The following TTC34 variants were observed in gnomAD, a reference collection of about 807,000 sequenced individuals.
TTC34 encodes the protein tetratricopeptide repeat domain 34.
In TTC34, 44 loss-of-function variants were observed where a neutral mutation model predicts 40.7. The observed-to-expected ratio is 1.08, with a 90% CI of 0.85 to 1.39. The LOEUF is 1.39. Ranked by LOEUF, TTC34 falls within the 40% of genes most tolerant of loss-of-function variation. The pLI is 0.00. For synonymous variants in TTC34, 422 were observed against 398.6 expected, an observed-to-expected ratio of 1.06 and a Z score of -0.70; for missense variants, 884 against 838.0, an observed-to-expected ratio of 1.05 and a Z score of -0.68.
chr1:2,665,902 T>A (rs1639634449), intron 6 of TTC34, among the ~76,000 whole-genome samples: 1 of 41,500 alleles, frequency 2.4e-5, no homozygotes, highest in African/African-American at 6.3e-5. Context: ...CAGGGGAGCA[T>A]CTGACATCCT....
At chr1:2,683,788 G>T (rs9442451) in intron 6 of TTC34, among the ~76,000 whole-genome samples, 3 of 26,782 alleles carry the variant, frequency 1.1e-4, no homozygotes, top group East Asian at 1.1e-3. Flanking sequence ...GGAGCAGCAC[G>T]CACACCCCCA....
Position 2,800,977 on chromosome 1 carries a change from G to A in TTC34, c.-41-109C>T, listed in dbSNP as rs866846539. 16 of 397,604 alleles carry A rather than the reference G, an allele frequency of 4.0e-5. No individual in the cohort carries two copies. The Middle Eastern group carries it at 1.9e-3, about 46-fold the overall frequency. The allele number at this position is 397,604 out of a possible 1,614,324, so 24.6% of individuals were successfully genotyped here. ...CTCCACCCCTTCCCATTGACCCCAC[G>A]GTCAGTGCAGACCCCACTGGGTGAA... On this transcript the variant is annotated intron_variant, in intron 1 of 8. Transcript: ENST00000401095.
intron 2 of TTC34, among the ~76,000 whole-genome samples, chr1:2,795,384 AAG>A (rs1227932360): frequency 4.6e-5 from 7 of 152,214 alleles, no homozygotes; most frequent in African/African-American, 1.7e-4. Context: ...TTTACCGGAC[AAG>A]AGACTCTAAG....
rs563749150 is a variant in TTC34, at chr1:2,683,381, A to C, written c.2227-37818T>G. Among the ~76,000 whole-genome samples, 311 of 132,500 alleles carry C rather than the reference A, an allele frequency of 2.3e-3. 12 individuals are homozygous for C. Among genetic ancestry groups the C allele is most frequent in the Non-Finnish European group, 2.7e-3 (170 of 63,010 alleles). The allele number at this position is 132,500 out of a possible 152,430, so 86.9% of individuals were successfully genotyped here. On this transcript the variant is annotated intron_variant, in intron 6 of 8. Coordinates refer to ENST00000401095, the Ensembl canonical transcript of TTC34. ...AGGTGAGCATCTGATGGCTTGGAAC[A>C]GCACCCACACGCCCAGGTGAGCATC... is the stretch of plus-strand genomic sequence containing the variant.
At chr1:2,778,613 G>A (rs1247809452) in intron 6 of TTC34, among the ~76,000 whole-genome samples, 59 of 152,224 alleles carry the variant, frequency 3.9e-4, no homozygotes, top group Admixed American at 3.8e-3. Context: ...GAGGTTGATG[G>A]GAGCTCTGTG....
At chr1:2,683,572 A>T (rs1557606879) in intron 6 of TTC34, among the ~76,000 whole-genome samples, 1 of 141,816 alleles carries the variant, frequency 7.1e-6, no homozygotes, top group Non-Finnish European at 1.5e-5. Context: ...AGCATCCGAC[A>T]GCCTGGAACA....
chr1:2,788,411 AT>A (rs1643620640), intron 3 of TTC34, among the ~76,000 whole-genome samples: 1 of 149,978 alleles, frequency 6.7e-6, no homozygotes, highest in South Asian at 2.1e-4. Context: ...TGTGTGTGTT[AT>A]GTATGTGTTG....
intron 6 of TTC34, among the ~76,000 whole-genome samples, chr1:2,757,644 T>A (rs1466770945): frequency 2.1e-5 from 3 of 143,672 alleles, no homozygotes; most frequent in African/African-American, 2.7e-5. Flanking sequence ...CAGGTGAGCA[T>A]CCGACAGCCT....
At chr1:2,786,095 C>T in intron 4 of TTC34, 72 bp from the exon 5 acceptor site, 1 of 1,302,492 alleles carries the variant, frequency 7.7e-7, no homozygotes, top group Non-Finnish European at 1.0e-6. Context: ...TACTGACGCC[C>T]CTGGCCATCC....
chr1:2,755,060 C>A (rs1641460309), intron 6 of TTC34, among the ~76,000 whole-genome samples: 1 of 65,038 alleles, frequency 1.5e-5, no homozygotes, highest in Non-Finnish European at 2.6e-5. Context: ...GCACCCTGCA[C>A]CCCCAGGTGC....
Position 2,700,094 on chromosome 1 carries a change from C to T in TTC34, c.2227-54531G>A, listed in dbSNP as rs562891922. On this transcript the variant is annotated intron_variant, in intron 6 of 8. Coordinates refer to ENST00000401095, the Ensembl canonical transcript of TTC34. ...GACCACCTGGAGCAGCACCCACAGT[C>T]CCAGGTGAGCATCCGAGAGCCTGGA... 7.4e-5 allele frequency among the ~76,000 whole-genome samples: 9 copies of T among 122,042 alleles called. 3 individuals carry two copies. In the South Asian group the frequency reaches 2.2e-3, roughly 30 times the overall value. The allele number at this position is 122,042 out of a possible 152,430, so 80.1% of individuals were successfully genotyped here. A position where few individuals can be genotyped will look rare whatever the true frequency, so the allele number is the denominator to read the frequency against.
intron 6 of TTC34, among the ~76,000 whole-genome samples, chr1:2,782,477 CTA>C (rs909659022): frequency 6.8e-4 from 102 of 150,972 alleles, no homozygotes; most frequent in African/African-American, 2.1e-3. Context: ...CTTCTCTATC[CTA>C]TGTTTTATTG....
At chr1:2,799,270 C>T (rs1347853962) in intron 2 of TTC34, among the ~76,000 whole-genome samples, 14 of 152,300 alleles carry the variant, frequency 9.2e-5, no homozygotes, top group East Asian at 1.9e-4. Context: ...GCGCCGGGCG[C>T]GGTGGTTCAC....
chr1:2,641,919 G>GCA, intron 8 of TTC34, 24 bp from the exon 9 acceptor site: 1 of 1,447,194 alleles, frequency 6.9e-7, no homozygotes, highest in South Asian at 1.4e-5. Context: ...ACAGAGAGAG[G>GCA]CAGGGAGAGT....
intron 6 of TTC34, among the ~76,000 whole-genome samples, chr1:2,650,584 C>G (rs962532854): frequency 1.3e-5 from 2 of 151,806 alleles, no homozygotes; most frequent in Non-Finnish European, 2.9e-5. Context: ...GCACTACTAC[C>G]CTGAGGTGAG....
chr1:2,641,878 G>A (rs1160160281), exon 9 of TTC34: 28 of 1,487,416 alleles, frequency 1.9e-5, no homozygotes, highest in East Asian at 5.0e-5. Context: ...GGAGGGTGCC[G>A]GCTTCCTGGG....
chr1:2,748,460 G>A (rs1641217222), intron 6 of TTC34, among the ~76,000 whole-genome samples: 1 of 148,126 alleles, frequency 6.8e-6, no homozygotes, highest in African/African-American at 2.6e-5. Flanking sequence ...GAATCTGACA[G>A]CCTGGAAGAG....
Position 2,681,899 on chromosome 1 carries a change from C to T in TTC34, c.2227-36336G>A, listed in dbSNP as rs369179139. ...AGCATCTGACAGCCTGGAACAACAG[C>T]CTGCACCACCAGGTGCGCATGTGAC... On this transcript the variant is annotated intron_variant, in intron 6 of 8. Transcript: ENST00000401095. 1.1e-3 allele frequency among the ~76,000 whole-genome samples: 131 copies of T among 121,100 alleles called. No homozygotes were observed. In the East Asian group the frequency reaches 0.02, roughly 19 times the overall value. 79.4% of individuals were successfully genotyped at this position (121,100 alleles called of 152,430 possible). A position where few individuals can be genotyped will look rare whatever the true frequency, so the allele number is the denominator to read the frequency against.
intron 6 of TTC34, among the ~76,000 whole-genome samples, chr1:2,652,471 A>C (rs1570753766): frequency 1.3e-5 from 2 of 151,910 alleles, no homozygotes; most frequent in Non-Finnish European, 2.9e-5. Context: ...GACAGCCTGG[A>C]GCAGAACCCA....
Sources: gnomAD v4.1 joint callset for allele counts (sites outside exome capture counted in the v4.1 genomes callset) on GRCh38, gnomAD v4.1.1 for gene constraint, MANE v1.5 for transcripts, NCBI Gene and HGNC (gene_info 2026-07-23, HGNC 2026-07-21) for gene names.